LIFR: variants seen among roughly 807,000 people sequenced by gnomAD.
LIFR encodes the protein leukemia inhibitory factor receptor.
A neutral mutation model predicts 122.2 loss-of-function variants in LIFR; 84 were observed. The ratio of observed to expected loss-of-function variants is 0.69; its 90% CI spans 0.58 to 0.82. LIFR has a LOEUF of 0.82. Among genes scored for constraint, LIFR ranks in the 40% least tolerant of loss-of-function variants. The probability of loss-of-function intolerance (pLI) is 0.00; values close to 1 mark genes in which losing one functional copy is unlikely to be tolerated. For synonymous variants in LIFR, 422 were observed against 434.7 expected, an observed-to-expected ratio of 0.97 and a Z score of 0.36; for missense variants, 1,294 against 1,311.6, an observed-to-expected ratio of 0.99 and a Z score of 0.21.
chr5:38,523,282 T>C, intron 5 of LIFR, 137 bp downstream of exon 5: 2 of 676,592 alleles, frequency 3.0e-6, no homozygotes, highest in Non-Finnish European at 5.1e-6. Context: ...ATGCATGATG[T>C]TTTTAATGAA....
At chr5:38,493,889 A>C (rs1299769493) in intron 13 of LIFR, 104 bp from the exon 14 acceptor site, 1 of 907,720 alleles carries the variant, frequency 1.1e-6, no homozygotes, top group African/African-American at 1.7e-5. Context: ...ATTGTGAAGA[A>C]ATTATAAAAT....
At chr5:38,558,731 G>A (rs1443043447), upstream of LIFR, 2 of 152,282 alleles carry the variant, frequency 1.3e-5, no homozygotes, top group African/African-American at 4.8e-5. Flanking sequence ...ACAAGGAAGC[G>A]GAAAGAATTG....
rs58882043 is a variant in LIFR, at chr5:38,505,401, T to TACACAC, written c.1291+498_1291+503dup. On this transcript the variant is annotated intron_variant, in intron 9 of 19. Transcript: ENST00000453190. ...TCTATACCTATAAATTGCATAGAAC[T>TACACAC]ACACACACACACACACACACACACA... Among the ~76,000 whole-genome samples, 517 of 139,454 alleles carry TACACAC rather than the reference T, an allele frequency of 3.7e-3. 3 individuals are homozygous for TACACAC. The highest frequency in any genetic ancestry group is 7.4e-3 in the Middle Eastern group (2 of 270). The allele number at this position is 139,454 out of a possible 152,430, so 91.5% of individuals were successfully genotyped here. A position where few individuals can be genotyped will look rare whatever the true frequency, so the allele number is the denominator to read the frequency against.
upstream of LIFR, among the ~76,000 whole-genome samples, chr5:38,596,825 C>T (rs966728177): frequency 5.3e-5 from 8 of 152,032 alleles, no homozygotes; most frequent in African/African-American, 7.2e-5. Context: ...TCATTTTTGG[C>T]GGTGACCTGT....
chr5:38,500,096 C>T (rs1745098160), intron 11 of LIFR, among the ~76,000 whole-genome samples: 1 of 152,188 alleles, frequency 6.6e-6, no homozygotes, highest in Non-Finnish European at 1.5e-5. Flanking sequence ...ATCCCTCAGC[C>T]TCTATTCCTA....
At position 38,510,583 on chromosome 5, in the gene LIFR, T is replaced by C. The variant is rs1745743536; in HGVS notation, c.872A>G (p.His291Arg). The change falls in exon 7 of 20, where the codon CAT (histidine) becomes CGT (arginine). Residue 291 changes from histidine to arginine, a missense_variant. His to Arg is a conservative substitution (Grantham distance 29, BLOSUM62 0). Coordinates refer to ENST00000453190, the MANE Select transcript of LIFR (RefSeq NM_001127671.2). ...LIGHTNCPLI[H>R]LDGENVAIKI... Reference sequence around the variant, plus strand: ...GATTGCAACATTTTCCCCATCAAGATGGATCAAGGGGCAGTTTGTATGGCC... The same window carrying C: ...GATTGCAACATTTTCCCCATCAAGACGGATCAAGGGGCAGTTTGTATGGCC... 1 of 1,613,974 alleles carries C rather than the reference T, an allele frequency of 6.2e-7. No individual in the cohort carries two copies.
intron 5 of LIFR, among the ~76,000 whole-genome samples, chr5:38,519,084 A>C (rs921981110): frequency 2.0e-5 from 3 of 152,186 alleles, no homozygotes; most frequent in Non-Finnish European, 2.9e-5. Flanking sequence ...AAAAGAGTCA[A>C]AATATTTTTT....
intron 1 of LIFR, among the ~76,000 whole-genome samples, chr5:38,544,467 T>G (rs762687360): frequency 6.6e-6 from 1 of 152,070 alleles, no homozygotes; most frequent in South Asian, 2.1e-4. Flanking sequence ...ATTCCTATCA[T>G]GGGGAATCAC....
chr5:38,545,819 G>A (rs1206374232), intron 1 of LIFR, among the ~76,000 whole-genome samples: 27 of 143,618 alleles, frequency 1.9e-4, no homozygotes, highest in Admixed American at 4.4e-4. Flanking sequence ...CCGAGATCAC[G>A]CCACTGCACT....
At chr5:38,605,318 C>T (rs894851225) in intron 2 of LIFR, among the ~76,000 whole-genome samples, 1 of 152,148 alleles carries the variant, frequency 6.6e-6, no homozygotes, top group African/African-American at 2.4e-5. Context: ...TAAGAGCAAG[C>T]ACTGTGTTCA....
At chr5:38,507,035 A>C (rs900779219) in intron 7 of LIFR, among the ~76,000 whole-genome samples, 4 of 152,168 alleles carry the variant, frequency 2.6e-5, no homozygotes, top group Non-Finnish European at 5.9e-5. Context: ...TCGAAAAGAA[A>C]TACCAAATCA....
intron 1 of LIFR, among the ~76,000 whole-genome samples, chr5:38,550,994 A>G (rs1369378973): frequency 1.3e-5 from 2 of 152,312 alleles, no homozygotes; most frequent in East Asian, 3.9e-4. Context: ...TTTAAGCTCT[A>G]AATAGTTTTT....
intron 1 of LIFR, among the ~76,000 whole-genome samples, chr5:38,537,856 C>T (rs2112597502): frequency 6.6e-6 from 1 of 152,226 alleles, no homozygotes; most frequent in Middle Eastern, 3.4e-3. Flanking sequence ...TCTTAATATG[C>T]ATATTAACTC....
intron 16 of LIFR, among the ~76,000 whole-genome samples, chr5:38,488,525 T>A (rs1744407175): frequency 6.6e-6 from 1 of 152,262 alleles, no homozygotes; most frequent in South Asian, 2.1e-4. Flanking sequence ...TTTGTATTTG[T>A]AAATCTGAGA....
chr5:38,478,548 A>T lies in LIFR; in HGVS notation c.*3047T>A, dbSNP rs1743829610. 1 of 194,888 alleles carries T rather than the reference A, an allele frequency of 5.1e-6. No homozygotes were observed. Among genetic ancestry groups the T allele is most frequent in the African/African-American group, 2.3e-5 (1 of 43,176 alleles). The allele number at this position is 194,888 out of a possible 1,614,324, so 12.1% of individuals were successfully genotyped here. ...CATGTGCTAATCTATGCAATATATG[A>T]TTCACAAGGTTCATCTAATGTTAAA... On this transcript the variant is annotated 3_prime_UTR_variant, in exon 20 of 20. Transcript: ENST00000453190.
At chr5:38,499,817 G>C (rs781052185) in intron 11 of LIFR, among the ~76,000 whole-genome samples, 23 of 152,054 alleles carry the variant, frequency 1.5e-4, no homozygotes, top group Non-Finnish European at 2.8e-4. Context: ...GATTCCCTGG[G>C]TTCCCCTCTG....
chr5:38,504,035 C>A lies in LIFR; in HGVS notation c.1378G>T (p.Ala460Ser). The A allele has an allele frequency of 6.3e-7, 1 of 1,592,088 alleles. No individual in the cohort carries two copies. Among genetic ancestry groups the A allele is most frequent in the Non-Finnish European group, 8.6e-7 (1 of 1,160,248 alleles). Residue 460 changes from alanine to serine, a missense_variant, in exon 10 of 20, where the codon GCA (alanine) becomes TCA (serine). By Grantham distance (99) the Ala-to-Ser change is moderately conservative (BLOSUM62 1). Coordinates refer to ENST00000453190, the MANE Select transcript of LIFR (RefSeq NM_001127671.2). ...ATTTCACATAAAAAATTAATCTTTG[C>A]AAAGTTGCCTGGTAAATGCCAAGAA... is the stretch of plus-strand genomic sequence containing the variant. Reference protein sequence around the residue: ...KLSWHLPGNFAKINFLCEIEI... With the variant: ...KLSWHLPGNFSKINFLCEIEI...
At chr5:38,539,621 C>T (rs1747478585) in intron 1 of LIFR, among the ~76,000 whole-genome samples, 1 of 151,728 alleles carries the variant, frequency 6.6e-6, no homozygotes, top group Admixed American at 6.6e-5. Flanking sequence ...GTTTGCTATA[C>T]AAAAATTCAT....
At chr5:38,486,471 T>A (rs184197967) in intron 16 of LIFR, among the ~76,000 whole-genome samples, 2 of 152,264 alleles carry the variant, frequency 1.3e-5, no homozygotes, top group Admixed American at 1.3e-4. Context: ...CAAATAAGAC[T>A]AATGAGAAAT....
Sources: gnomAD v4.1 joint callset for allele counts (sites outside exome capture counted in the v4.1 genomes callset) on GRCh38, gnomAD v4.1.1 for gene constraint, MANE v1.5 for transcripts, NCBI Gene and HGNC (gene_info 2026-07-23, HGNC 2026-07-21) for gene names.